The following FRMD6 variants were observed in gnomAD, a reference collection of about 807,000 sequenced individuals.
FRMD6 encodes the protein FERM domain containing 6.
In FRMD6, 37 loss-of-function variants were observed where a neutral mutation model predicts 73.2. The observed-to-expected ratio is 0.51, with a 90% CI of 0.39 to 0.66. The LOEUF is 0.66. FRMD6 is among the 30% of genes least tolerant of loss of function. The pLI is 0.00. For synonymous variants in FRMD6, 273 were observed against 282.2 expected (o/e 0.97, Z 0.33); for missense variants, 714 against 780.5 (o/e 0.91, Z 1.02).
chr14:51,412,359 A>G, the FRMD6 span, among the ~76,000 whole-genome samples: 1 of 152,168 alleles, frequency 6.6e-6, no homozygotes, highest in African/African-American at 2.4e-5. Context: ...ATTTTAGAAG[A>G]TTTATTTGCC....
intron 2 of FRMD6, among the ~76,000 whole-genome samples, chr14:51,620,328 A>G (rs1890879447): frequency 6.6e-6 from 1 of 152,202 alleles, no homozygotes; most frequent in Non-Finnish European, 1.5e-5. Flanking sequence ...AGCTGCCAGC[A>G]GTAACTCATG....
intron 1 of FRMD6, among the ~76,000 whole-genome samples, chr14:51,541,813 T>C (rs562863853): frequency 2.4e-4 from 37 of 152,130 alleles, no homozygotes; most frequent in Admixed American, 2.2e-3. Flanking sequence ...ACTGAAGGTG[T>C]TTTTATGTAA....
the FRMD6 span, among the ~76,000 whole-genome samples, chr14:51,416,049 C>G: frequency 3.9e-5 from 6 of 152,174 alleles, no homozygotes; most frequent in Admixed American, 3.9e-4. Flanking sequence ...CTCTTTTCTT[C>G]TTTACTAGTC....
At chr14:51,643,930 A>C (rs1184584936) in intron 2 of FRMD6, among the ~76,000 whole-genome samples, 2 of 152,216 alleles carry the variant, frequency 1.3e-5, no homozygotes, top group African/African-American at 4.8e-5. Flanking sequence ...TAATATCTTG[A>C]AAAGCTGGAG....
chr14:51,514,875 C>T lies in FRMD6; in HGVS notation c.-210+25455C>T, dbSNP rs144534181. On this transcript the variant is annotated intron_variant, in intron 1 of 14. Coordinates refer to the FRMD6 transcript ENST00000356218. ...AAACAAACAAACAAAAAAACTATGA[C>T]GACAAGAGGAGAAAGGAAGCAATAT... Among the ~76,000 whole-genome samples the T allele has an allele frequency of 1.8e-4, 27 of 152,146 alleles. 1 individual carries two copies. The East Asian group carries it at 4.1e-3, about 23-fold the overall frequency.
intron 2 of FRMD6, among the ~76,000 whole-genome samples, chr14:51,639,618 C>G (rs560456929): frequency 9.3e-4 from 141 of 152,254 alleles, no homozygotes; most frequent in African/African-American, 3.2e-3. Flanking sequence ...CTAAAACACA[C>G]AGTAAACAGT....
intron 1 of FRMD6, among the ~76,000 whole-genome samples, chr14:51,666,483 GTTA>G (rs1893602714): frequency 6.6e-6 from 1 of 152,212 alleles, no homozygotes; most frequent in East Asian, 1.9e-4. Context: ...TTCAAAAAGT[GTTA>G]TTAAGAAGTA....
rs375708200 is a variant in FRMD6, at chr14:51,529,068, A to T, written c.-210+39648A>T. Among the ~76,000 whole-genome samples the T allele has an allele frequency of 2.6e-5, 4 of 152,362 alleles. No individual in the cohort carries two copies. The East Asian group carries it at 5.8e-4, about 22-fold the overall frequency. ...GCTTTCCAAGGCACACAAGATGAAT[A>T]GTTGGTCTTGGGGGACATGCTGACA... On this transcript the variant is annotated intron_variant, in intron 1 of 14. Transcript: ENST00000356218.
chr14:51,723,340 C>T (rs1397522264), intron 12 of FRMD6, among the ~76,000 whole-genome samples: 1 of 152,042 alleles, frequency 6.6e-6, no homozygotes, highest in Non-Finnish European at 1.5e-5. Context: ...GGAAGCTGAC[C>T]TGGACTTTGC....
chr14:51,584,959 T>C (rs989864531), intron 2 of FRMD6, among the ~76,000 whole-genome samples: 1 of 152,218 alleles, frequency 6.6e-6, no homozygotes, highest in African/African-American at 2.4e-5. Context: ...GCTTATCTTC[T>C]AGCAAGAATG....
chr14:51,510,728 G>A (rs148355687), intron 1 of FRMD6, among the ~76,000 whole-genome samples: 112 of 152,262 alleles, frequency 7.4e-4, no homozygotes, highest in African/African-American at 2.5e-3. Context: ...TACATCCAGA[G>A]CTTGGAAATC....
intron 6 of FRMD6, among the ~76,000 whole-genome samples, chr14:51,706,614 T>C (rs765320026): frequency 6.6e-6 from 1 of 152,094 alleles, no homozygotes; most frequent in African/African-American, 2.4e-5. Context: ...CTTTAGCCAG[T>C]GAAGCCCCTC....
chr14:51,472,521 C>T, the FRMD6 span, among the ~76,000 whole-genome samples: 2 of 152,052 alleles, frequency 1.3e-5, no homozygotes, highest in African/African-American at 2.4e-5. Flanking sequence ...GCCAGGATGG[C>T]CTCGATCTCC....
chr14:51,587,199 G>C (rs1262358311), intron 2 of FRMD6, among the ~76,000 whole-genome samples: 1 of 152,166 alleles, frequency 6.6e-6, no homozygotes, highest in Admixed American at 6.5e-5. Flanking sequence ...AAGATCAGTT[G>C]GTTGTTAGGT....
At chr14:51,721,744 A>AAGGAAGGAAGGAAGGG (rs1897607251) in intron 11 of FRMD6, among the ~76,000 whole-genome samples, 1 of 88,560 alleles carries the variant, frequency 1.1e-5, no homozygotes, top group African/African-American at 4.2e-5. Context: ...GGGAGGAAGG[A>AAGGAAGGAAGGAAGGG]AGGGAGGAAG....
intron 1 of FRMD6, among the ~76,000 whole-genome samples, chr14:51,515,628 T>C: frequency 6.6e-6 from 1 of 152,158 alleles, no homozygotes; most frequent in Non-Finnish European, 1.5e-5. Flanking sequence ...TGCTACATGG[T>C]CTTTATAGTG....
At chr14:51,608,099 A>G (rs1290313597) in intron 2 of FRMD6, among the ~76,000 whole-genome samples, 1 of 152,204 alleles carries the variant, frequency 6.6e-6, no homozygotes, top group Non-Finnish European at 1.5e-5. Flanking sequence ...TTTCTGGGAA[A>G]AGGAGACTGC....
intron 10 of FRMD6, among the ~76,000 whole-genome samples, chr14:51,715,907 C>T (rs1897212412): frequency 6.6e-6 from 1 of 152,188 alleles, no homozygotes. Context: ...GTCTGGAATT[C>T]TTTCCAATGT....
the FRMD6 span, among the ~76,000 whole-genome samples, chr14:51,434,559 G>A: frequency 2.0e-5 from 2 of 99,968 alleles, no homozygotes; most frequent in Non-Finnish European, 2.2e-5. Flanking sequence ...AAATTGACAT[G>A]AGTAATTGAG....
Sources: gnomAD v4.1 joint callset for allele counts (sites outside exome capture counted in the v4.1 genomes callset) on GRCh38, gnomAD v4.1.1 for gene constraint, MANE v1.5 for transcripts, NCBI Gene and HGNC (gene_info 2026-07-23, HGNC 2026-07-21) for gene names.